The following DLG2 variants were observed in gnomAD, a reference collection of about 807,000 sequenced individuals.
The protein encoded by DLG2 is disks large homolog 2.
In DLG2, 45 loss-of-function variants were observed where a neutral mutation model predicts 132.5. That is an observed-to-expected ratio of 0.34 (90% CI 0.27 to 0.44). DLG2 has a LOEUF of 0.44. Among genes scored for constraint, DLG2 ranks in the 20% least tolerant of loss-of-function variants. The pLI, the probability that DLG2 is intolerant of heterozygous loss-of-function variation, is 1.00. For missense variants in DLG2, 1,045 were observed against 1,196.9 expected, an observed-to-expected ratio of 0.87 and a Z score of 1.87; for synonymous variants, 424 against 419.6, an observed-to-expected ratio of 1.01 and a Z score of -0.13.
intron 4 of DLG2, among the ~76,000 whole-genome samples, chr11:85,222,929 G>A (rs1214303056): frequency 6.6e-6 from 1 of 152,060 alleles, no homozygotes; most frequent in African/African-American, 2.4e-5. Context: ...CCACTCAACA[G>A]TTTGTAAGAA....
chr11:83,579,446 C>A (rs1395289821), intron 19 of DLG2, among the ~76,000 whole-genome samples: 3 of 152,172 alleles, frequency 2.0e-5, no homozygotes. Context: ...GATATCGCCA[C>A]ATTCCTGTGA....
At chr11:84,747,050 T>C (rs1440205497) in intron 6 of DLG2, among the ~76,000 whole-genome samples, 1 of 152,192 alleles carries the variant, frequency 6.6e-6, no homozygotes, top group Admixed American at 6.5e-5. Flanking sequence ...GCGGATAGCA[T>C]TAACCTTAGA....
In DLG2 at chr11:85,283,483, GA is replaced by G. The variant is rs138135370; in HGVS notation, c.186+1736del. 1.7e-4 allele frequency among the ~76,000 whole-genome samples: 24 copies of G among 142,774 alleles called. 1 individual carries two copies. The highest frequency in any genetic ancestry group is 4.3e-4 in the African/African-American group (17 of 39,278). The allele number at this position is 142,774 out of a possible 152,430, so 93.7% of individuals were successfully genotyped here. On this transcript the variant is annotated intron_variant, in intron 4 of 27. Coordinates refer to ENST00000376104, the MANE Select transcript of DLG2 (RefSeq NM_001142699.3). ...AAAATTAATAATAATAAACAAACCA[GA>G]AAAAAAAACAATTATGACAACAGGA...
chr11:85,462,800 A>AT (rs2153059966), intron 3 of DLG2, among the ~76,000 whole-genome samples: 1 of 152,192 alleles, frequency 6.6e-6, no homozygotes, highest in African/African-American at 2.4e-5. Context: ...TTAAAGTATA[A>AT]TTTAAAAAAA....
chr11:85,027,906 G>T (rs897670370), intron 6 of DLG2, among the ~76,000 whole-genome samples: 6 of 152,180 alleles, frequency 3.9e-5, no homozygotes, highest in African/African-American at 9.7e-5. Flanking sequence ...GGGGAGGGGG[G>T]TGTTTCAGCC....
chr11:84,367,117 T>A (rs1025819273), intron 7 of DLG2, among the ~76,000 whole-genome samples: 16 of 152,114 alleles, frequency 1.1e-4, no homozygotes, highest in African/African-American at 3.6e-4. Context: ...AAACTATCTC[T>A]CAGACCACAG....
At chr11:85,505,406 G>C (rs2093906838) in intron 3 of DLG2, among the ~76,000 whole-genome samples, 1 of 152,088 alleles carries the variant, frequency 6.6e-6, no homozygotes, top group Non-Finnish European at 1.5e-5. Context: ...TCAATATCTA[G>C]TTTATTGAGA....
intron 8 of DLG2, among the ~76,000 whole-genome samples, chr11:84,185,524 C>T (rs574193757): frequency 8.5e-5 from 13 of 152,216 alleles, no homozygotes; most frequent in South Asian, 4.1e-4. Context: ...CAAACAGGGA[C>T]GATTTGACTT....
Position 84,668,007 on chromosome 11 carries a change from G to A in DLG2, c.358-133276C>T, listed in dbSNP as rs189261197. Among the ~76,000 whole-genome samples, 665 of 152,234 alleles carry A rather than the reference G, an allele frequency of 4.4e-3. 3 individuals are homozygous for A. The highest frequency in any genetic ancestry group is 7.3e-3 in the Non-Finnish European group (499 of 68,020). On this transcript the variant is annotated intron_variant, in intron 6 of 27. Coordinates refer to ENST00000376104, the MANE Select transcript of DLG2 (RefSeq NM_001142699.3). ...AGACTAGAAATAATAAGGACTCTGA[G>A]TGAGACAGATCTCAGTGTGAGCCCA...
In DLG2 at chr11:85,395,550, C is replaced by A. The variant is rs574760200; in HGVS notation, c.41-110185G>T. The stretch of plus-strand genomic sequence containing the variant: ...ACCTAGAGAAACGGTACACTCTGAG[C>A]CAAATACTGCACTTTTCCCACAGTC... On this transcript the variant is annotated intron_variant, in intron 3 of 27. Transcript: ENST00000376104. Among the ~76,000 whole-genome samples, 28 of 152,272 alleles carry A rather than the reference C, an allele frequency of 1.8e-4. 1 individual carries two copies. The highest frequency in any genetic ancestry group is 1.0e-3 in the Admixed American group (16 of 15,288).
At chr11:84,587,972 A>G (rs1199738909) in intron 6 of DLG2, among the ~76,000 whole-genome samples, 1 of 152,056 alleles carries the variant, frequency 6.6e-6, no homozygotes, top group Non-Finnish European at 1.5e-5. Flanking sequence ...TTTTCAGTGC[A>G]CTTCCTATTA....
intron 8 of DLG2, among the ~76,000 whole-genome samples, chr11:84,200,767 G>T (rs543027256): frequency 6.6e-6 from 1 of 152,022 alleles, no homozygotes; most frequent in East Asian, 1.9e-4. Flanking sequence ...TCGGTTTAAA[G>T]GAATGCTAGT....
intron 7 of DLG2, among the ~76,000 whole-genome samples, 158 bp from the exon 8 acceptor site, chr11:84,251,449 G>A (rs1442074251): frequency 1.3e-5 from 2 of 152,082 alleles, no homozygotes; most frequent in Non-Finnish European, 2.9e-5. Flanking sequence ...ATGACTAAGA[G>A]TTTCTGTACC....
At chr11:85,539,345 T>C (rs149494108) in intron 3 of DLG2, among the ~76,000 whole-genome samples, 1 of 152,230 alleles carries the variant, frequency 6.6e-6, no homozygotes, top group African/African-American at 2.4e-5. Context: ...TTGGGCTGCA[T>C]AAAACTTTGA....
intron 18 of DLG2, among the ~76,000 whole-genome samples, chr11:83,768,706 T>C (rs569143853): frequency 1.3e-5 from 2 of 152,218 alleles, no homozygotes; most frequent in Non-Finnish European, 2.9e-5. Flanking sequence ...CCTGAGGCCA[T>C]GCATATAAGT....
At position 85,191,158 on chromosome 11, in the gene DLG2, GCGCGCACACA is replaced by G. The variant is rs1427293655; in HGVS notation, c.187-36517_187-36508del. On this transcript the variant is annotated intron_variant, in intron 4 of 27. Transcript: ENST00000376104. ...TCTATATGCATGCGCGCGCGCGCAC[GCGCGCACACA>G]CACACACACACACACACACACACAC... 1.9e-3 allele frequency among the ~76,000 whole-genome samples: 213 copies of G among 113,424 alleles called. 1 individual carries two copies. The highest frequency in any genetic ancestry group is 7.0e-3 in the African/African-American group (205 of 29,354). The allele number at this position is 113,424 out of a possible 152,430, so 74.4% of individuals were successfully genotyped here. A position where few individuals can be genotyped will look rare whatever the true frequency, so the allele number is the denominator to read the frequency against.
chr11:83,730,089 A>G (rs967232348), intron 18 of DLG2, among the ~76,000 whole-genome samples: 1 of 150,858 alleles, frequency 6.6e-6, no homozygotes, highest in African/African-American at 2.4e-5. Context: ...AGATATTGCT[A>G]CTCAGGGTCA....
At chr11:84,832,225 T>C (rs750306356) in intron 6 of DLG2, among the ~76,000 whole-genome samples, 2 of 151,564 alleles carry the variant, frequency 1.3e-5, no homozygotes, top group African/African-American at 2.4e-5. Context: ...ATGAAATAAA[T>C]TTGCACCAGA....
intron 18 of DLG2, among the ~76,000 whole-genome samples, chr11:83,756,638 C>T (rs538607259): frequency 2.0e-5 from 3 of 151,142 alleles, no homozygotes; most frequent in East Asian, 1.9e-4. Flanking sequence ...TTGTGAGAAT[C>T]GAATGTGGTA....
Sources: allele counts gnomAD v4.1 joint callset (sites outside exome capture counted in the v4.1 genomes callset), GRCh38; gene constraint gnomAD v4.1.1; transcripts MANE v1.5; gene names NCBI Gene and HGNC (gene_info 2026-07-23, HGNC 2026-07-21).